Variants in MTMR3 observed in about 807,000 individuals in gnomAD.
MTMR3 encodes the protein myotubularin related protein 3, also known as phosphatidylinositol-3,5-bisphosphate 3-phosphatase MTMR3.
MTMR3 carries 32 observed loss-of-function variants against 132.4 expected under a neutral mutation model. The ratio of observed to expected loss-of-function variants is 0.24; its 90% CI spans 0.18 to 0.32. The LOEUF (loss-of-function observed/expected upper bound fraction) is 0.32, where lower values mean the gene tolerates loss of function less well. MTMR3 is among the 10% of genes least tolerant of loss of function. The pLI is 1.00. For missense variants in MTMR3, 1,216 were observed against 1,489.6 expected (o/e 0.82, Z 3.02); for synonymous variants, 556 against 550.3 (o/e 1.01, Z -0.14).
At chr22:29,893,641 A>G (rs1401351080) in intron 1 of MTMR3, among the ~76,000 whole-genome samples, 1 of 152,130 alleles carries the variant, frequency 6.6e-6, no homozygotes, top group Admixed American at 6.5e-5. Context: ...CTTGTTCTGC[A>G]GTATTTAAAA....
At chr22:30,000,785 G>A (rs1416159452) in intron 8 of MTMR3, 3 of 152,210 alleles carry the variant, frequency 2.0e-5, no homozygotes, top group African/African-American at 4.8e-5. Flanking sequence ...GGCGGCCTCA[G>A]AGAGCCTGTG....
intron 3 of MTMR3, among the ~76,000 whole-genome samples, chr22:29,973,382 T>C (rs2145876126): frequency 6.6e-6 from 1 of 152,328 alleles, no homozygotes; most frequent in East Asian, 1.9e-4. Flanking sequence ...ACTATTCTTG[T>C]TTCATTTGAC....
intron 1 of MTMR3, among the ~76,000 whole-genome samples, chr22:29,949,098 A>AACACACACACAC (rs749067914): frequency 3.8e-5 from 2 of 52,176 alleles, no homozygotes; most frequent in Non-Finnish European, 6.9e-5. Context: ...CCTGTCTTAA[A>AACACACACACAC]ACACACACAC....
rs2067918314 is a variant in MTMR3 at position 30,026,729 on chromosome 22, AG to A, written c.*931del. The A allele has an allele frequency of 6.5e-6, 1 of 152,922 alleles. No individual in the cohort carries two copies. Among genetic ancestry groups the A allele is most frequent in the Admixed American group, 6.5e-5 (1 of 15,286 alleles). 9.5% of individuals were successfully genotyped at this position (152,922 alleles called of 1,614,324 possible). A position where few individuals can be genotyped will look rare whatever the true frequency, so the allele number is the denominator to read the frequency against. On this transcript the variant is annotated 3_prime_UTR_variant, in exon 20 of 20. Transcript: ENST00000401950. ...AAACAATCTCTTCCTCAGCCAGCAC[AG>A]GGAAATCCAGACTCAGGGTTCCAGA...
intron 5 of MTMR3, chr22:29,983,660 CAG>C (rs1325846126): frequency 1.3e-5 from 2 of 152,170 alleles, no homozygotes; most frequent in Non-Finnish European, 2.9e-5. Context: ...TTTTTTGAAA[CAG>C]GGTCTTGCTC....
In MTMR3 at chr22:30,026,604, AG is replaced by A. The variant is rs1264087976; in HGVS notation, c.*805del. ...AGGCTGTGTAGCACTTCCCACCCTC[AG>A]GCATGAGTACAGACTGGTCAAAATG... On this transcript the variant is annotated 3_prime_UTR_variant, in exon 20 of 20. Transcript: ENST00000401950. The A allele has an allele frequency of 6.5e-6, 1 of 152,752 alleles. No individual in the cohort carries two copies. The highest frequency in any genetic ancestry group is 2.4e-5 in the African/African-American group (1 of 41,452). The allele number at this position is 152,752 out of a possible 1,614,324, so 9.5% of individuals were successfully genotyped here.
intron 1 of MTMR3, among the ~76,000 whole-genome samples, chr22:29,955,732 T>C (rs2066175613): frequency 6.6e-6 from 1 of 152,232 alleles, no homozygotes; most frequent in South Asian, 2.1e-4. Context: ...GTTAATAATG[T>C]ACCATATTTT....
chr22:29,905,893 C>T (rs1028678583), intron 1 of MTMR3, among the ~76,000 whole-genome samples: 1 of 152,062 alleles, frequency 6.6e-6, no homozygotes, highest in African/African-American at 2.4e-5. Flanking sequence ...ACCTGTTAAC[C>T]TTTTATATAT....
At chr22:29,988,803 T>G in intron 6 of MTMR3, 1 of 269,070 alleles carries the variant, frequency 3.7e-6, no homozygotes, top group Non-Finnish European at 7.1e-6. Context: ...AAAATAAAAA[T>G]ACTAAAAAGA....
intron 1 of MTMR3, among the ~76,000 whole-genome samples, chr22:29,886,219 A>G (rs556175257): frequency 2.0e-5 from 3 of 152,364 alleles, no homozygotes; most frequent in Non-Finnish European, 4.4e-5. Context: ...ATTTTTGATC[A>G]AATAGGGCTC....
chr22:30,020,627 C>T lies in MTMR3; in HGVS notation c.2968C>T (p.His990Tyr). Residue 990 changes from histidine to tyrosine, a missense_variant, in exon 17 of 20, where the codon CAC (histidine) becomes TAC (tyrosine). By Grantham distance (83) the His-to-Tyr change is moderately conservative. Transcript: ENST00000401950. Reference sequence around the variant, plus strand: ...TGCCCACTTACACTCAAGGAACTTGCACCACAAGTGGCTGCATAGCCACTC... The same window carrying T: ...TGCCCACTTACACTCAAGGAACTTGTACCACAAGTGGCTGCATAGCCACTC... ...SSAHLHSRNL[H>Y]HKWLHSHSGR... is the part of the protein sequence containing the mutation. 1.2e-5 allele frequency: 20 copies of T among 1,614,222 alleles called. No individual in the cohort carries two copies. Among genetic ancestry groups the T allele is most frequent in the Non-Finnish European group, 1.6e-5 (19 of 1,180,032 alleles).
chr22:29,984,468 T>C (rs2066817780), intron 5 of MTMR3: 2 of 152,258 alleles, frequency 1.3e-5, no homozygotes, highest in Admixed American at 1.3e-4. Context: ...AAACTGCTGC[T>C]CTTCTGCTTT....
Position 29,937,909 on chromosome 22 carries a change from A to T in MTMR3, c.-137-19127A>T, listed in dbSNP as rs142282638. On this transcript the variant is annotated intron_variant, in intron 1 of 19. Coordinates refer to ENST00000401950, the MANE Select transcript of MTMR3 (RefSeq NM_021090.4). ...GTTGATGCTTCAGTAGGTTTGAGAC[A>T]GGAATAATACAGGGTGGTCACAGGA... 2.3e-3 allele frequency among the ~76,000 whole-genome samples: 355 copies of T among 152,320 alleles called. 7 individuals carry two copies. The highest frequency in any genetic ancestry group is 8.2e-3 in the African/African-American group (341 of 41,560).
chr22:30,023,397 C>T (rs1337846494), intron 19 of MTMR3: 7 of 1,589,588 alleles, frequency 4.4e-6, no homozygotes, highest in Non-Finnish European at 5.2e-6. Flanking sequence ...CCACCCTGCA[C>T]CCCAAGCCCA....
intron 1 of MTMR3, among the ~76,000 whole-genome samples, chr22:29,903,941 T>C (rs1020518540): frequency 1.7e-4 from 26 of 152,138 alleles, no homozygotes; most frequent in Admixed American, 6.5e-4. Flanking sequence ...TGAACAGGTA[T>C]CTCATATGTA....
chr22:29,984,892 G>T (rs1224766799), intron 5 of MTMR3: 1 of 152,128 alleles, frequency 6.6e-6, no homozygotes, highest in African/African-American at 2.4e-5. Flanking sequence ...CAGAAAGAAA[G>T]ACACACCGTG....
At chr22:29,982,696 G>A (rs1176613341) in intron 5 of MTMR3, 3 of 152,018 alleles carry the variant, frequency 2.0e-5, no homozygotes, top group African/African-American at 7.2e-5. Context: ...AGTAAAATGT[G>A]TCTGTAGGTT....
intron 1 of MTMR3, among the ~76,000 whole-genome samples, chr22:29,925,246 C>T (rs551051025): frequency 1.3e-5 from 2 of 152,186 alleles, no homozygotes; most frequent in South Asian, 2.1e-4. Context: ...TTAGTCAGAT[C>T]GGTCTCACAC....
chr22:29,971,083 G>GT (rs1308943889), intron 3 of MTMR3, 21 bp downstream of exon 3: 5 of 1,563,626 alleles, frequency 3.2e-6, no homozygotes, highest in Non-Finnish European at 4.3e-6. Context: ...GGAAATAAGA[G>GT]TAAAAAAAAA....
Sources: allele counts gnomAD v4.1 joint callset (sites outside exome capture counted in the v4.1 genomes callset), GRCh38; gene constraint gnomAD v4.1.1; transcripts MANE v1.5; gene names NCBI Gene and HGNC (gene_info 2026-07-23, HGNC 2026-07-21).